The following CUL5 variants were observed in gnomAD, a reference collection of about 807,000 sequenced individuals.
The protein encoded by CUL5 is cullin 5.
Under a neutral mutation model 108.8 loss-of-function variants are expected in CUL5, and 26 were observed. That is an observed-to-expected ratio of 0.24 (90% confidence interval 0.18 to 0.33). The LOEUF (loss-of-function observed/expected upper bound fraction) is 0.33, where lower values mean the gene tolerates loss of function less well. Ranked by LOEUF, CUL5 falls within the 10% of genes least tolerant of loss-of-function variation. The probability of loss-of-function intolerance (pLI) is 1.00; values close to 1 mark genes in which losing one functional copy is unlikely to be tolerated. For synonymous variants in CUL5, 334 were observed against 298.0 expected (o/e 1.12, Z -1.25); for missense variants, 524 against 909.2 (o/e 0.58, Z 5.45).
At chr11:108,015,585 G>A (rs1475859478) in intron 1 of CUL5, among the ~76,000 whole-genome samples, 4 of 152,192 alleles carry the variant, frequency 2.6e-5, no homozygotes, top group African/African-American at 9.6e-5. Context: ...CTAGAGAGAT[G>A]GTTGCATTCG....
chr11:108,093,234 C>T (rs1055130038), intron 13 of CUL5, among the ~76,000 whole-genome samples: 3 of 152,126 alleles, frequency 2.0e-5, no homozygotes, highest in Non-Finnish European at 1.5e-5. Context: ...AGCATCTTTT[C>T]TTTGCCTTGG....
intron 2 of CUL5, among the ~76,000 whole-genome samples, chr11:108,036,478 AATTT>A (rs970274049): frequency 3.9e-5 from 6 of 152,056 alleles, no homozygotes; most frequent in African/African-American, 1.2e-4. Context: ...CTTTACTTTA[AATTT>A]ATTTATTTAT....
intron 1 of CUL5, among the ~76,000 whole-genome samples, chr11:108,009,771 A>G (rs73555365): frequency 6.6e-6 from 1 of 152,304 alleles, no homozygotes; most frequent in African/African-American, 2.4e-5. Flanking sequence ...AATGCTGCCT[A>G]ACAGGTTTCA....
chr11:108,013,804 C>T (rs1235178414), intron 1 of CUL5, among the ~76,000 whole-genome samples: 1 of 152,124 alleles, frequency 6.6e-6, no homozygotes, highest in Non-Finnish European at 1.5e-5. Context: ...CATGGTGGCT[C>T]ATGCCTGTAA....
At chr11:108,047,923 T>C (rs1028147412) in intron 3 of CUL5, among the ~76,000 whole-genome samples, 8 of 152,124 alleles carry the variant, frequency 5.3e-5, no homozygotes, top group Non-Finnish European at 8.8e-5. Context: ...TTAAAAAATA[T>C]GCTGAACACT....
intron 10 of CUL5, among the ~76,000 whole-genome samples, chr11:108,076,031 T>C (rs1591318290): frequency 6.6e-6 from 1 of 151,286 alleles, no homozygotes; most frequent in East Asian, 1.9e-4. Context: ...TTTTGTTTTA[T>C]TTATTTATTT....
At chr11:108,100,191 C>T (rs74914430) in intron 18 of CUL5, among the ~76,000 whole-genome samples, 3,836 of 151,882 alleles carry the variant, frequency 0.025, 170 homozygotes, top group African/African-American at 0.085. Flanking sequence ...CTGCCAAATA[C>T]GAAAATATTT....
At chr11:108,016,656 C>T (rs180942879) in intron 1 of CUL5, among the ~76,000 whole-genome samples, 8 of 152,302 alleles carry the variant, frequency 5.3e-5, no homozygotes, top group Admixed American at 5.2e-4. Context: ...ATAGATGCCT[C>T]ATATGCTCTG....
intron 17 of CUL5, 140 bp from the exon 18 acceptor site, chr11:108,098,266 G>A: frequency 1.5e-6 from 1 of 675,002 alleles, no homozygotes; most frequent in Non-Finnish European, 2.3e-6. Context: ...AAAGCAATAT[G>A]TAGGTTATTT....
intron 13 of CUL5, among the ~76,000 whole-genome samples, chr11:108,092,136 C>T (rs748248728): frequency 6.6e-6 from 1 of 151,564 alleles, no homozygotes. Context: ...GACCCTTTCT[C>T]AAAAACAAAA....
Position 108,106,296 on chromosome 11 carries a change from G to T in CUL5, c.*1912G>T, listed in dbSNP as rs1864799186. Reference sequence around the variant, plus strand: ...ATTGCCGTCCATTTTAAAAATTTAGGTTTGTTGTTTTAAACCATAATTGTT... The same window carrying T: ...ATTGCCGTCCATTTTAAAAATTTAGTTTTGTTGTTTTAAACCATAATTGTT... On this transcript the variant is annotated 3_prime_UTR_variant, in exon 19 of 19. Coordinates refer to ENST00000393094, the MANE Select transcript of CUL5 (RefSeq NM_003478.6). The T allele has an allele frequency of 6.6e-6, 1 of 152,582 alleles. No individual in the cohort carries two copies. The highest frequency in any genetic ancestry group is 2.1e-4 in the South Asian group (1 of 4,816). The allele number at this position is 152,582 out of a possible 1,614,324, so 9.5% of individuals were successfully genotyped here. A position where few individuals can be genotyped will look rare whatever the true frequency, so the allele number is the denominator to read the frequency against.
chr11:108,054,176 A>G (rs945364857), intron 5 of CUL5, among the ~76,000 whole-genome samples: 3 of 152,246 alleles, frequency 2.0e-5, no homozygotes, highest in South Asian at 2.1e-4. Context: ...TGATTTTACT[A>G]TGTTGCCCAG....
Position 108,104,970 on chromosome 11 carries a change from ATGG to A in CUL5, c.*589_*591del, listed in dbSNP as rs1864756172. 2 of 152,582 alleles carry A rather than the reference ATGG, an allele frequency of 1.3e-5. No homozygotes were observed. The highest frequency in any genetic ancestry group is 1.3e-4 in the Admixed American group (2 of 15,270). 9.5% of individuals were successfully genotyped at this position (152,582 alleles called of 1,614,324 possible). On this transcript the variant is annotated 3_prime_UTR_variant, in exon 19 of 19. Coordinates refer to ENST00000393094, the MANE Select transcript of CUL5 (RefSeq NM_003478.6). ...TGCTCAGTATAATAACTGGATTTTA[ATGG>A]TGACCTAAAAATGGTATTAAATATT...
rs1864811650 is a variant in CUL5 at position 108,106,698 on chromosome 11, TACC to T, written c.*2316_*2318del. On this transcript the variant is annotated 3_prime_UTR_variant, in exon 19 of 19. Transcript: ENST00000393094. ...TAAAAAAAAATGAAAAAAAAAATCT[TACC>T]AGCAGTTTGTAAAGGTCTGGAATCA... 6.6e-6 allele frequency: 1 copy of T among 152,020 alleles called. No homozygotes were observed. The highest frequency in any genetic ancestry group is 6.6e-5 in the Admixed American group (1 of 15,204). The allele number at this position is 152,020 out of a possible 1,614,324, so 9.4% of individuals were successfully genotyped here.
chr11:108,075,285 A>G (rs1262834084), intron 10 of CUL5, among the ~76,000 whole-genome samples: 1 of 152,036 alleles, frequency 6.6e-6, no homozygotes, highest in African/African-American at 2.4e-5. Context: ...GAGCTACTTG[A>G]ACTTAATTCT....
intron 1 of CUL5, among the ~76,000 whole-genome samples, chr11:108,027,294 G>T (rs1862475126): frequency 6.7e-6 from 1 of 148,866 alleles, no homozygotes; most frequent in Admixed American, 6.7e-5. Context: ...TTTTCTTTGA[G>T]ACAGTCTCCC....
chr11:108,059,494 G>A (rs1272381053), intron 7 of CUL5, among the ~76,000 whole-genome samples: 1 of 152,198 alleles, frequency 6.6e-6, no homozygotes, highest in African/African-American at 2.4e-5. Context: ...GTTGGAATTA[G>A]ATGAGGATTT....
At chr11:108,049,829 A>T (rs911289273) in intron 3 of CUL5, 61 bp from the exon 4 acceptor site, 14 of 1,334,086 alleles carry the variant, frequency 1.0e-5, no homozygotes, top group Non-Finnish European at 1.5e-5. Context: ...TGGCATGAAT[A>T]TGTTCTTAAT....
intron 15 of CUL5, 85 bp downstream of exon 15, chr11:108,095,072 T>C: frequency 8.4e-7 from 1 of 1,185,176 alleles, no homozygotes; most frequent in Non-Finnish European, 1.2e-6. Flanking sequence ...ACAAAATAGA[T>C]TTTTGCCTCT....
Sources: allele counts gnomAD v4.1 joint callset (sites outside exome capture counted in the v4.1 genomes callset), GRCh38; gene constraint gnomAD v4.1.1; transcripts MANE v1.5; gene names NCBI Gene and HGNC (gene_info 2026-07-23, HGNC 2026-07-21).